Variants in PALM2AKAP2 observed in about 807,000 individuals in gnomAD.
The protein encoded by PALM2AKAP2 is PALM2-AKAP2 fusion protein.
PALM2AKAP2 carries 37 observed loss-of-function variants against 71.5 expected under a neutral mutation model. The observed-to-expected ratio is 0.52, with a 90% CI of 0.40 to 0.68. PALM2AKAP2 has a LOEUF of 0.68. Ranked by LOEUF, PALM2AKAP2 falls within the 30% of genes least tolerant of loss-of-function variation. The pLI, the probability that PALM2AKAP2 is intolerant of heterozygous loss-of-function variation, is 0.00. For missense variants in PALM2AKAP2, 1,224 were observed against 1,191.8 expected, an observed-to-expected ratio of 1.03 and a Z score of -0.40; for synonymous variants, 468 against 478.8, an observed-to-expected ratio of 0.98 and a Z score of 0.29.
chr9:110,151,067 A>T (rs922751478), intron 2 of PALM2AKAP2, among the ~76,000 whole-genome samples: 1 of 152,190 alleles, frequency 6.6e-6, no homozygotes, highest in South Asian at 2.1e-4. Flanking sequence ...GTGTGCCCAT[A>T]CTTACTTATT....
At chr9:110,135,326 C>CAAA (rs1835836847) in intron 1 of PALM2AKAP2, among the ~76,000 whole-genome samples, 1 of 57,110 alleles carries the variant, frequency 1.8e-5, no homozygotes, top group Non-Finnish European at 3.6e-5. Context: ...AAAAAAAAAG[C>CAAA]CCTCAAGACA....
chr9:110,162,374 G>A (rs1477603549), intron 3 of PALM2AKAP2, among the ~76,000 whole-genome samples: 1 of 152,144 alleles, frequency 6.6e-6, no homozygotes, highest in Non-Finnish European at 1.5e-5. Context: ...GGAGGGTACT[G>A]GGGAAGACCT....
intron 6 of PALM2AKAP2, among the ~76,000 whole-genome samples, chr9:109,999,826 C>CCTGAGCTAAG (rs1310198758): frequency 6.6e-6 from 1 of 152,122 alleles, no homozygotes; most frequent in Non-Finnish European, 1.5e-5. Context: ...GGAGATGCCA[C>CCTGAGCTAAG]ACTGGGGCTG....
intron 1 of PALM2AKAP2, among the ~76,000 whole-genome samples, chr9:109,855,608 G>A (rs930392723): frequency 2.0e-5 from 3 of 152,172 alleles, no homozygotes; most frequent in Non-Finnish European, 4.4e-5. Context: ...CCATCCTAAA[G>A]TCAGACAATC....
chr9:109,836,476 C>T (rs986543283), intron 1 of PALM2AKAP2, among the ~76,000 whole-genome samples: 1 of 152,240 alleles, frequency 6.6e-6, no homozygotes, highest in Admixed American at 6.5e-5. Context: ...GAGTGCCCCT[C>T]CTCCACCAAA....
chr9:109,700,484 T>G (rs1828036988), intron 1 of PALM2AKAP2, among the ~76,000 whole-genome samples: 1 of 152,216 alleles, frequency 6.6e-6, no homozygotes, highest in Non-Finnish European at 1.5e-5. Flanking sequence ...GAGTATGTCT[T>G]TGTTAGCTGC....
At chr9:110,109,318 CA>C (rs542467637) in intron 1 of PALM2AKAP2, among the ~76,000 whole-genome samples, 18,448 of 79,362 alleles carry the variant, frequency 0.23, 730 homozygotes, top group Middle Eastern at 0.35. Flanking sequence ...TCTTTGTCTC[CA>C]AAAAAAAAAA....
At position 109,658,757 on chromosome 9, in the gene PALM2AKAP2, C is replaced by T. The variant is rs573593837; in HGVS notation, c.5+17891C>T. Among the ~76,000 whole-genome samples the T allele has an allele frequency of 4.2e-3, 638 of 152,130 alleles. 5 individuals are homozygous for T. The highest frequency in any genetic ancestry group is 0.015 in the African/African-American group (610 of 41,502). ...ATTTCCCCTTGAAAAACCATCAGTT[C>T]GTGTGAGACTTTAATATGGTTGCTA... On this transcript the variant is annotated intron_variant, in intron 1 of 6. Coordinates refer to the PALM2AKAP2 transcript ENST00000374531.
chr9:109,698,718 G>A (rs11795237), intron 1 of PALM2AKAP2, among the ~76,000 whole-genome samples: 2 of 152,168 alleles, frequency 1.3e-5, no homozygotes, highest in South Asian at 2.1e-4. Context: ...AGGCTGGTAC[G>A]AATGCTATTG....
At chr9:110,041,681 A>G (rs2132461717) in intron 7 of PALM2AKAP2, among the ~76,000 whole-genome samples, 1 of 152,286 alleles carries the variant, frequency 6.6e-6, no homozygotes, top group South Asian at 2.1e-4. Context: ...AGGAACCACA[A>G]ACTAGGCTAA....
At chr9:109,853,883 G>T (rs1829085274) in intron 1 of PALM2AKAP2, among the ~76,000 whole-genome samples, 1 of 152,124 alleles carries the variant, frequency 6.6e-6, no homozygotes, top group South Asian at 2.1e-4. Flanking sequence ...CTCTGAACTT[G>T]GTGCTGATTC....
At chr9:110,012,542 T>C in intron 6 of PALM2AKAP2, among the ~76,000 whole-genome samples, 1 of 152,048 alleles carries the variant, frequency 6.6e-6, no homozygotes, top group East Asian at 1.9e-4. Context: ...TAAAATAACA[T>C]TTCTGTTCTT....
rs555725733 is a variant in PALM2AKAP2, at chr9:110,051,653, G to A, written c.156+2798G>A. The stretch of plus-strand genomic sequence containing the variant: ...AGTTGAAACAGGAGCATGCTAAAAA[G>A]TTACTTCTGAAGACCAAGGATAGAC... On this transcript the variant is annotated intron_variant, in intron 1 of 3. Coordinates refer to ENST00000374525, the Ensembl canonical transcript of PALM2AKAP2. Among the ~76,000 whole-genome samples, 21 of 152,292 alleles carry A rather than the reference G, an allele frequency of 1.4e-4. No individual in the cohort carries two copies. In the South Asian group the frequency reaches 4.4e-3, roughly 32 times the overall value.
chr9:110,010,086 G>C lies in PALM2AKAP2; in HGVS notation c.497-5868G>C, dbSNP rs1297448641. 2.6e-5 allele frequency among the ~76,000 whole-genome samples: 4 copies of C among 152,184 alleles called. No individual in the cohort carries two copies. The East Asian group carries it at 5.8e-4, about 22-fold the overall frequency. On this transcript the variant is annotated intron_variant, in intron 6 of 9. Coordinates refer to the PALM2AKAP2 transcript ENST00000302798. ...AAGCAATACAAAAAATGTTATGGTG[G>C]TTGATTTCATTTATTTCTGAGAGGT...
Position 109,855,694 on chromosome 9 carries a change from T to A in PALM2AKAP2, c.46-11797T>A, listed in dbSNP as rs536808828. On this transcript the variant is annotated intron_variant, in intron 1 of 9. Coordinates refer to the PALM2AKAP2 transcript ENST00000302798. ...AATTGTTTTGGTGGATGAAAAATTT[T>A]CTACTTTTAAACCATTGGAGGACAG... Among the ~76,000 whole-genome samples, 3 of 152,360 alleles carry A rather than the reference T, an allele frequency of 2.0e-5. No individual in the cohort carries two copies. The South Asian group carries it at 6.2e-4, about 32-fold the overall frequency.
chr9:109,724,428 G>T (rs1828447270), intron 1 of PALM2AKAP2, among the ~76,000 whole-genome samples: 1 of 151,740 alleles, frequency 6.6e-6, no homozygotes, highest in Non-Finnish European at 1.5e-5. Context: ...AAACGGCCAA[G>T]AAAAACTTGA....
intron 1 of PALM2AKAP2, among the ~76,000 whole-genome samples, chr9:110,108,203 C>T (rs1237399232): frequency 1.3e-5 from 2 of 150,200 alleles, no homozygotes; most frequent in Non-Finnish European, 3.0e-5. Flanking sequence ...GCAACCTCTG[C>T]CTCCCGGGTT....
In PALM2AKAP2 at chr9:109,943,173, G is replaced by T. The variant is rs1268609789; in HGVS notation, c.496+11145G>T. On this transcript the variant is annotated intron_variant, in intron 6 of 9. Transcript: ENST00000302798. The stretch of plus-strand genomic sequence containing the variant: ...TCGAGGATGAAGAGGAGACGAAAAA[G>T]GTGCTAGGCTATGATGAAACCATCA... 2.5e-6 allele frequency: 4 copies of T among 1,614,222 alleles called. No individual in the cohort carries two copies. In the South Asian group the frequency reaches 4.4e-5, roughly 18 times the overall value.
At chr9:109,735,031 C>G (rs145012837) in intron 1 of PALM2AKAP2, among the ~76,000 whole-genome samples, 90 of 151,892 alleles carry the variant, frequency 5.9e-4, no homozygotes, top group African/African-American at 2.1e-3. Flanking sequence ...AGCTGTTTCT[C>G]AAGGAGCATT....
Sources: allele counts gnomAD v4.1 joint callset (sites outside exome capture counted in the v4.1 genomes callset), GRCh38; gene constraint gnomAD v4.1.1; transcripts MANE v1.5; gene names NCBI Gene and HGNC (gene_info 2026-07-23, HGNC 2026-07-21).